The following PRKCH variants were observed in gnomAD, a reference collection of about 807,000 sequenced individuals.
PRKCH encodes the protein protein kinase C eta type.
In PRKCH, 28 loss-of-function variants were observed where a neutral mutation model predicts 82.5. That is an observed-to-expected ratio of 0.34 (90% CI 0.25 to 0.47). The LOEUF (loss-of-function observed/expected upper bound fraction) is 0.47, where lower values mean the gene tolerates loss of function less well. PRKCH is among the 20% of genes least tolerant of loss of function. The pLI, the probability that PRKCH is intolerant of heterozygous loss-of-function variation, is 1.00. For synonymous variants in PRKCH, 322 were observed against 327.4 expected, an observed-to-expected ratio of 0.98 and a Z score of 0.18; for missense variants, 705 against 881.8, an observed-to-expected ratio of 0.80 and a Z score of 2.54.
chr14:61,279,025 C>T (rs1266099536), intron 1 of PRKCH: 1 of 109,114 alleles, frequency 9.2e-6, no homozygotes, highest in Non-Finnish European at 2.2e-5. Flanking sequence ...TGACAAAGAA[C>T]ACTGAGCTAG....
At chr14:61,515,777 C>T (rs989849584) in intron 10 of PRKCH, among the ~76,000 whole-genome samples, 4 of 152,114 alleles carry the variant, frequency 2.6e-5, no homozygotes, top group African/African-American at 4.8e-5. Context: ...CTAGAATTTA[C>T]GAAGCTTGTT....
intron 1 of PRKCH, among the ~76,000 whole-genome samples, chr14:61,239,578 T>C (rs1046416512): frequency 6.6e-6 from 1 of 152,246 alleles, no homozygotes; most frequent in African/African-American, 2.4e-5. Flanking sequence ...AGCAGGCTAA[T>C]GTGCTCTTGC....
At chr14:61,378,224 C>CTTT (rs552301917) in intron 1 of PRKCH, among the ~76,000 whole-genome samples, 4,137 of 139,464 alleles carry the variant, frequency 0.03, 237 homozygotes, top group African/African-American at 0.11. Flanking sequence ...TTTTCTTTTT[C>CTTT]TTTTTTTTTT....
intron 1 of PRKCH, among the ~76,000 whole-genome samples, chr14:61,218,608 G>A (rs1041667144): frequency 6.6e-5 from 10 of 152,060 alleles, no homozygotes; most frequent in African/African-American, 2.2e-4. Flanking sequence ...TGGAAGCAAA[G>A]CATATACAGA....
At chr14:61,327,290 C>T in intron 1 of PRKCH, 2 of 333,670 alleles carry the variant, frequency 6.0e-6, no homozygotes, top group South Asian at 4.7e-5. Context: ...GAATTTATAC[C>T]ACCAAAATTC....
intron 1 of PRKCH, among the ~76,000 whole-genome samples, chr14:61,375,356 G>A (rs1158612859): frequency 6.6e-6 from 1 of 151,956 alleles, no homozygotes; most frequent in Non-Finnish European, 1.5e-5. Context: ...CCTCCAAACT[G>A]TTCCAACCTC....
chr14:61,333,385 C>A lies in PRKCH; in HGVS notation c.363+10921C>A, dbSNP rs552972289. Among the ~76,000 whole-genome samples the A allele has an allele frequency of 4.4e-4, 67 of 152,280 alleles. 1 individual carries two copies. The highest frequency in any genetic ancestry group is 3.9e-3 in the Admixed American group (60 of 15,302). On this transcript the variant is annotated intron_variant, in intron 1 of 13. Transcript: ENST00000332981. ...GGACACAGGACCTCAGGTTGAGAAACCTCAGTTGAAAGGGTTCAAAAATAA... is the reference window on the plus strand; with the variant it reads ...GGACACAGGACCTCAGGTTGAGAAAACTCAGTTGAAAGGGTTCAAAAATAA...
At chr14:61,482,138 GT>G (rs1886005170) in intron 9 of PRKCH, among the ~76,000 whole-genome samples, 1 of 151,880 alleles carries the variant, frequency 6.6e-6, no homozygotes, top group African/African-American at 2.4e-5. Flanking sequence ...GGAATTAGAG[GT>G]GCATGCCACC....
intron 10 of PRKCH, among the ~76,000 whole-genome samples, chr14:61,485,977 A>G (rs1886202975): frequency 6.6e-6 from 1 of 152,118 alleles, no homozygotes; most frequent in African/African-American, 2.4e-5. Context: ...AATGTTGCCC[A>G]GGCTTCACAA....
chr14:61,488,804 G>A (rs1488416190), intron 10 of PRKCH, among the ~76,000 whole-genome samples: 1 of 152,134 alleles, frequency 6.6e-6, no homozygotes, highest in Non-Finnish European at 1.5e-5. Context: ...GTAACTTGAT[G>A]TGGTTTCTGA....
At chr14:61,335,677 C>A (rs2045847741) in intron 1 of PRKCH, among the ~76,000 whole-genome samples, 1 of 152,200 alleles carries the variant, frequency 6.6e-6, no homozygotes, top group Non-Finnish European at 1.5e-5. Flanking sequence ...TGAACTAACT[C>A]TGGATAATTT....
chr14:61,430,143 TA>T (rs534952144), intron 2 of PRKCH, among the ~76,000 whole-genome samples: 1 of 152,112 alleles, frequency 6.6e-6, no homozygotes, highest in African/African-American at 2.4e-5. Flanking sequence ...AGCCCAATTT[TA>T]AAAAAATGAG....
At chr14:61,521,226 A>G (rs2139993335) in intron 10 of PRKCH, among the ~76,000 whole-genome samples, 1 of 152,346 alleles carries the variant, frequency 6.6e-6, no homozygotes, top group South Asian at 2.1e-4. Flanking sequence ...TGAAAATATT[A>G]CTTTTATAAT....
At chr14:61,246,160 C>G (rs536556573) in intron 1 of PRKCH, among the ~76,000 whole-genome samples, 1 of 151,882 alleles carries the variant, frequency 6.6e-6, no homozygotes, top group East Asian at 1.9e-4. Flanking sequence ...AATCCTAGCC[C>G]TTTGGGAGGC....
Position 61,506,657 on chromosome 14 carries a change from A to G in PRKCH, c.1433+21001A>G, listed in dbSNP as rs1182557673. ...CTCTTTATTCTCAGGCTACCAAGAAAAGAAAAAAATGCTAAGAAGCAGGGA... is the reference window on the plus strand; with the variant it reads ...CTCTTTATTCTCAGGCTACCAAGAAGAGAAAAAAATGCTAAGAAGCAGGGA... On this transcript the variant is annotated intron_variant, in intron 10 of 13. Transcript: ENST00000332981. Among the ~76,000 whole-genome samples the G allele has an allele frequency of 2.0e-5, 3 of 152,248 alleles. No homozygotes were observed. In the East Asian group the frequency reaches 5.8e-4, roughly 29 times the overall value.
intron 9 of PRKCH, among the ~76,000 whole-genome samples, chr14:61,470,524 G>A (rs775591518): frequency 1.3e-5 from 2 of 152,100 alleles, no homozygotes; most frequent in African/African-American, 2.4e-5. Flanking sequence ...GCTCAGGCTC[G>A]CCAGCAGACC....
intron 1 of PRKCH, among the ~76,000 whole-genome samples, chr14:61,323,450 T>A (rs1023902230): frequency 6.6e-6 from 1 of 152,214 alleles, no homozygotes; most frequent in Admixed American, 6.5e-5. Flanking sequence ...AGTACGCCAT[T>A]TGAAGACTCT....
chr14:61,341,724 T>A (rs1372869966), intron 1 of PRKCH, among the ~76,000 whole-genome samples: 1 of 152,194 alleles, frequency 6.6e-6, no homozygotes, highest in Non-Finnish European at 1.5e-5. Context: ...AGTAACCAGG[T>A]CGAAGGTAGT....
intron 1 of PRKCH, among the ~76,000 whole-genome samples, chr14:61,190,430 G>T (rs12436103): frequency 0.25 from 37,385 of 152,024 alleles, 5,180 homozygotes; most frequent in Admixed American, 0.38. Context: ...CTCTACTCAT[G>T]CCCTATTTAG....
Sources: gnomAD v4.1 joint callset for allele counts (sites outside exome capture counted in the v4.1 genomes callset) on GRCh38, gnomAD v4.1.1 for gene constraint, MANE v1.5 for transcripts, NCBI Gene and HGNC (gene_info 2026-07-23, HGNC 2026-07-21) for gene names.